SPTB: variants seen among roughly 807,000 people sequenced by gnomAD.
SPTB encodes spectrin beta, erythrocytic, also known as spectrin beta chain, erythrocytic.
Under a neutral mutation model 256.2 loss-of-function variants are expected in SPTB, and 45 were observed. The observed-to-expected ratio is 0.18, with a 90% CI of 0.14 to 0.23. The LOEUF (loss-of-function observed/expected upper bound fraction) is 0.23. SPTB is among the 10% of genes least tolerant of loss of function. SPTB has a pLI of 1.00. For missense variants in SPTB, 2,715 were observed against 3,040.4 expected (o/e 0.89, Z 2.52); for synonymous variants, 1,231 against 1,243.1 (o/e 0.99, Z 0.21).
At chr14:64,810,936 A>C (rs1227749114) in intron 2 of SPTB, among the ~76,000 whole-genome samples, 1 of 152,128 alleles carries the variant, frequency 6.6e-6, no homozygotes, top group Non-Finnish European at 1.5e-5. Flanking sequence ...GCAATATAAC[A>C]AGGTTGCATC....
intron 2 of SPTB, among the ~76,000 whole-genome samples, chr14:64,821,786 G>A (rs887128563): frequency 1.3e-5 from 2 of 152,184 alleles, no homozygotes; most frequent in Admixed American, 1.3e-4. Context: ...TGGATTCCTT[G>A]TCATGACAAG....
In SPTB at chr14:64,793,776, C is replaced by T. The variant is rs1350702815; in HGVS notation, c.1887G>A (p.Arg629=). Residue 629 remains arginine (R), a synonymous_variant, in exon 14 of 36, where the codon CGG becomes CGA. Coordinates refer to ENST00000644917, the MANE Select transcript of SPTB (RefSeq NM_001355436.2). The surrounding 1 kb of genome is among the most constrained non-coding windows in gnomAD (Gnocchi z 7.0). The part of the protein sequence containing the change: ...FEELSNMAAG[R]KAQLEQSKRL... ...GTTTGGACTGCTCCAGTTGGGCCTT[C>T]CGCCCAGCTGCCATGTTGCTCAGCT... 2.5e-6 allele frequency: 4 copies of T among 1,613,288 alleles called. No individual in the cohort carries two copies. Among genetic ancestry groups the T allele is most frequent in the Non-Finnish European group, 3.4e-6 (4 of 1,179,662 alleles).
At position 64,835,421 on chromosome 14, in the gene SPTB, T is replaced by C. The variant is rs368092269; in HGVS notation, c.-51-12276A>G. On this transcript the variant is annotated intron_variant, in intron 1 of 35. Coordinates refer to ENST00000644917, the MANE Select transcript of SPTB (RefSeq NM_001355436.2). ...CCACCTTGTCCGGCTAGTTTTTGTA[T>C]TTTTAATAGAGACGGGGTTTCACTA... Among the ~76,000 whole-genome samples, 112 of 152,306 alleles carry C rather than the reference T, an allele frequency of 7.4e-4. 3 individuals are homozygous for C. The South Asian group carries it at 0.023, about 31-fold the overall frequency.
chr14:64,808,918 G>C (rs371688995), intron 2 of SPTB, among the ~76,000 whole-genome samples: 26 of 152,044 alleles, frequency 1.7e-4, no homozygotes, highest in African/African-American at 5.3e-4. Context: ...GGATTGTGAA[G>C]GGGAGGGGAG....
intron 24 of SPTB, among the ~76,000 whole-genome samples, chr14:64,774,145 G>A (rs1225211289): frequency 1.3e-5 from 2 of 152,196 alleles, no homozygotes; most frequent in Non-Finnish European, 2.9e-5. Flanking sequence ...GTCACCAAGA[G>A]GGTAGTTTTG....
chr14:64,794,086 G>C (rs2082724424), intron 13 of SPTB, among the ~76,000 whole-genome samples: 1 of 151,804 alleles, frequency 6.6e-6, no homozygotes, highest in African/African-American at 2.4e-5. Flanking sequence ...TAAAAAGTGG[G>C]GTTAGTTCTT....
In SPTB at chr14:64,786,932, C is replaced by T; in HGVS notation, c.3033G>A (p.Val1011=). The T allele has an allele frequency of 6.2e-7, 1 of 1,613,652 alleles. No homozygotes were observed. Among genetic ancestry groups the T allele is most frequent in the South Asian group, 1.1e-5 (1 of 91,080 alleles). The change falls in exon 16 of 36, where the codon GTG becomes GTA. Residue 1011 remains valine, a synonymous_variant. Transcript: ENST00000644917. This position sits in a 1 kb window ranked among gnomAD's most constrained non-coding sequence, Gnocchi z 5.6. The part of the protein sequence containing the change: ...ERDVAAIQAR[V]DALERESQQL... ...GCTGGGACTCACGCTCCAGGGCATC[C>T]ACACGGGCCTGGATGGCGGCCACGT...
At position 64,796,504 on chromosome 14, in the gene SPTB, G is replaced by C. The variant is rs2082771735; in HGVS notation, c.1341+53C>G. 6.2e-7 allele frequency: 1 copy of C among 1,612,532 alleles called. No homozygotes were observed. Among genetic ancestry groups the C allele is most frequent in the Admixed American group, 1.7e-5 (1 of 59,998 alleles). ...TGGACTCCAGCCCAGCCAAGAGCTG[G>C]GGGCTCTGAAGAATGTCCCCTCTCC... On this transcript the variant is annotated intron_variant, in intron 11 of 35. Coordinates refer to ENST00000644917, the MANE Select transcript of SPTB (RefSeq NM_001355436.2). The surrounding 1 kb of genome is among the most constrained non-coding windows in gnomAD (Gnocchi z 4.1).
intron 2 of SPTB, among the ~76,000 whole-genome samples, chr14:64,808,333 T>G (rs761501593): frequency 3.3e-5 from 5 of 152,126 alleles, no homozygotes; most frequent in South Asian, 2.1e-4. Context: ...TTTCTTTCCC[T>G]TTCCTTCCCG....
Position 64,793,108 on chromosome 14 carries a change from G to T in SPTB, c.2555C>A (p.Thr852Lys). ...ACAGGCGTCTGTCTCCCCGAACACC[G>T]TGTACAGGTCCAGGGCTTCCTGCAG... Reference protein sequence around the residue: ...QRLQEALDLYTVFGETDACEL... With the variant: ...QRLQEALDLYKVFGETDACEL... Residue 852 changes from threonine (T) to lysine (K), a missense_variant, in exon 14 of 36, where the codon ACG becomes AAG. Around this residue, in one of 4 missense-constraint regions of SPTB, gnomAD observed 2,239 missense variants for 2,384.4 expected, o/e 0.94. Coordinates refer to ENST00000644917, the MANE Select transcript of SPTB (RefSeq NM_001355436.2). This position sits in a 1 kb window ranked among gnomAD's most constrained non-coding sequence, Gnocchi z 7.0. The T allele has an allele frequency of 6.2e-7, 1 of 1,614,106 alleles. No individual in the cohort carries two copies. Among genetic ancestry groups the T allele is most frequent in the Non-Finnish European group, 8.5e-7 (1 of 1,180,050 alleles).
chr14:64,800,648 G>A (rs2082866034), intron 8 of SPTB, 108 bp downstream of exon 8: 5 of 943,072 alleles, frequency 5.3e-6, no homozygotes, highest in Non-Finnish European at 8.5e-6. Context: ...AAGTTGGGGG[G>A]TGGGTGAGCT....
intron 32 of SPTB, chr14:64,766,309 T>A: frequency 2.1e-6 from 2 of 964,544 alleles, no homozygotes; most frequent in South Asian, 4.5e-5. Context: ...TGTGTGTAGG[T>A]GTGGGTGCAG....
intron 31 of SPTB, among the ~76,000 whole-genome samples, chr14:64,767,101 C>T (rs140236075): frequency 0.015 from 2,346 of 152,300 alleles, 68 homozygotes; most frequent in African/African-American, 0.054. Context: ...CCTCCTCCCG[C>T]ACCAGGCCTT....
rs1445284384 is a variant in SPTB, at chr14:64,847,232, C to T, written c.-51-24087G>A. ...CAGTGACCCCAAAGGCCAGCGAAGA[C>T]AGCCCAACTTGGCTGTGGTCTTCTT... On this transcript the variant is annotated intron_variant, in intron 1 of 35. Coordinates refer to ENST00000644917, the MANE Select transcript of SPTB (RefSeq NM_001355436.2). This position sits in a 1 kb window ranked among gnomAD's most constrained non-coding sequence, Gnocchi z 5.9. 6.6e-6 allele frequency among the ~76,000 whole-genome samples: 1 copy of T among 152,250 alleles called. No individual in the cohort carries two copies. Among genetic ancestry groups the T allele is most frequent in the Non-Finnish European group, 1.5e-5 (1 of 68,046 alleles).
Position 64,786,788 on chromosome 14 carries a change from T to G in SPTB, c.3177A>C (p.Glu1059Asp), listed in dbSNP as rs775248207. The G allele has an allele frequency of 2.5e-6, 4 of 1,613,886 alleles. No individual in the cohort carries two copies. In the African/African-American group the frequency reaches 5.3e-5, roughly 22 times the overall value. ...SLQGQEDLLGEVSQLQAFLQD... is the reference protein window; with the variant it reads ...SLQGQEDLLGDVSQLQAFLQD... The stretch of plus-strand genomic sequence containing the variant: ...GCAGGAAGGCCTGCAGCTGGCTGAC[T>G]TCCCCCAGCAAGTCCTCCTGGCCCT... The change falls in exon 16 of 36, where the codon GAA (glutamate) becomes GAC (aspartate). Residue 1059 changes from glutamate to aspartate, a missense_variant. Glu to Asp is a conservative substitution (Grantham distance 45). Transcript: ENST00000644917. This position sits in a 1 kb window ranked among gnomAD's most constrained non-coding sequence, Gnocchi z 5.6.
At chr14:64,835,568 C>T (rs1485596621) in intron 1 of SPTB, among the ~76,000 whole-genome samples, 1 of 152,176 alleles carries the variant, frequency 6.6e-6, no homozygotes, top group Non-Finnish European at 1.5e-5. Flanking sequence ...TTGGTATGCA[C>T]AATCTCCCAG....
At chr14:64,843,719 G>A (rs1443395512) in intron 1 of SPTB, among the ~76,000 whole-genome samples, 1 of 152,212 alleles carries the variant, frequency 6.6e-6, no homozygotes, top group Non-Finnish European at 1.5e-5. Flanking sequence ...AGAGAAGAGT[G>A]GGTGTGAACA....
Position 64,749,592 on chromosome 14 carries a change from G to A in SPTB, c.6819+62C>T, listed in dbSNP as rs1022670637. The A allele has an allele frequency of 8.7e-6, 14 of 1,610,046 alleles. No individual in the cohort carries two copies. Among genetic ancestry groups the A allele is most frequent in the South Asian group, 7.7e-5 (7 of 91,008 alleles). On this transcript the variant is annotated intron_variant, in intron 35 of 35. Coordinates refer to ENST00000644917, the MANE Select transcript of SPTB (RefSeq NM_001355436.2). This position sits in a 1 kb window ranked among gnomAD's most constrained non-coding sequence, Gnocchi z 4.7. ...TTCTGAGGGGGCCTCCAGGGCAAGCGGCCTGGGGTCCTCCACCTACCCCCT... is the reference window on the plus strand; with the variant it reads ...TTCTGAGGGGGCCTCCAGGGCAAGCAGCCTGGGGTCCTCCACCTACCCCCT...
intron 1 of SPTB, among the ~76,000 whole-genome samples, chr14:64,850,453 C>T (rs2083766007): frequency 6.6e-6 from 1 of 152,198 alleles, no homozygotes; most frequent in African/African-American, 2.4e-5. Context: ...TAGTTCCTCC[C>T]ATTACATCCA....
Sources: gnomAD v4.1 joint callset for allele counts (sites outside exome capture counted in the v4.1 genomes callset) on GRCh38, gnomAD v4.1.1 for gene constraint, gnomAD v4.1.1 regional missense constraint, Gnocchi (gnomAD v3.1) non-coding constraint, MANE v1.5 for transcripts, NCBI Gene and HGNC (gene_info 2026-07-23, HGNC 2026-07-21) for gene names.